Variants in PXDN observed in about 807,000 individuals in gnomAD.
The protein encoded by PXDN is peroxidasin homolog.
PXDN carries 77 observed loss-of-function variants against 140.3 expected under a neutral mutation model. The observed-to-expected ratio is 0.55, with a 90% CI of 0.46 to 0.66. The LOEUF (loss-of-function observed/expected upper bound fraction) is 0.66, where lower values mean the gene tolerates loss of function less well. PXDN is among the 30% of genes least tolerant of loss of function. PXDN has a pLI of 0.00. For missense variants in PXDN, 1,838 were observed against 2,039.5 expected (o/e 0.90, Z 1.90); for synonymous variants, 911 against 857.4 (o/e 1.06, Z -1.09).
intron 16 of PXDN, 115 bp downstream of exon 16, chr2:1,653,512 TA>T: frequency 7.2e-7 from 1 of 1,386,640 alleles, no homozygotes; most frequent in Non-Finnish European, 1.0e-6. Flanking sequence ...TCACAGTTCA[TA>T]AGCACAGTGG....
intron 9 of PXDN, among the ~76,000 whole-genome samples, chr2:1,669,165 C>T (rs556967855): frequency 6.6e-6 from 1 of 152,286 alleles, no homozygotes; most frequent in South Asian, 2.1e-4. Context: ...ATGGAAAAAG[C>T]TGGAAACCAT....
rs58919379 is a variant in PXDN, at chr2:1,685,737, A to AAGGTG, written c.417-1587_417-1586insCACCT. ...GTGGGTGGGACTTGGCACCTGCTGC[A>AAGGTG]CAGGTGCTACGGGAAATGACGGCCC... On this transcript the variant is annotated intron_variant, in intron 4 of 22. Coordinates refer to ENST00000252804, the MANE Select transcript of PXDN (RefSeq NM_012293.3). This position sits in a 1 kb window ranked among gnomAD's most constrained non-coding sequence, Gnocchi z 5.1. Among the ~76,000 whole-genome samples the AAGGTG allele has an allele frequency of 0.29, 43,853 of 151,718 alleles. 7,266 individuals are homozygous for AAGGTG. Among genetic ancestry groups the AAGGTG allele is most frequent in the African/African-American group, 0.45 (18,762 of 41,340 alleles).
chr2:1,701,818 G>T (rs1399802973), intron 1 of PXDN, among the ~76,000 whole-genome samples: 2 of 152,124 alleles, frequency 1.3e-5, no homozygotes, highest in Admixed American at 6.5e-5. Flanking sequence ...CCCAGGGTGG[G>T]ATGACTGCCC....
intron 18 of PXDN, among the ~76,000 whole-genome samples, 180 bp downstream of exon 18, chr2:1,644,437 GC>G: frequency 6.6e-6 from 1 of 152,272 alleles, no homozygotes; most frequent in African/African-American, 2.4e-5. Flanking sequence ...GGACATGTAA[GC>G]CCAAGGCGGT....
chr2:1,743,543 G>A (rs1685597774), intron 1 of PXDN, among the ~76,000 whole-genome samples: 1 of 150,188 alleles, frequency 6.7e-6, no homozygotes, highest in African/African-American at 2.4e-5. Context: ...CGGGAACTGA[G>A]GCTCCTCTGG....
At chr2:1,644,339 C>T (rs940346639) in intron 18 of PXDN, among the ~76,000 whole-genome samples, 17 of 152,120 alleles carry the variant, frequency 1.1e-4, no homozygotes, top group Admixed American at 1.3e-4. Flanking sequence ...GACTGTCCAA[C>T]AGGTTTACAG....
At chr2:1,642,607 A>G (rs181220872) in intron 19 of PXDN, among the ~76,000 whole-genome samples, 17 of 152,322 alleles carry the variant, frequency 1.1e-4, no homozygotes, top group Non-Finnish European at 1.9e-4. Context: ...GGTTCTAAAC[A>G]TCCCCAGTTT....
At chr2:1,683,971 A>G in intron 5 of PXDN, 109 bp downstream of exon 5, 2 of 1,140,496 alleles carry the variant, frequency 1.8e-6, no homozygotes, top group Non-Finnish European at 2.5e-6. Context: ...TGGATTTTAT[A>G]TTGAAACAGT....
In PXDN at chr2:1,744,499, G is replaced by A. The variant is rs1233390682; in HGVS notation, c.-44C>T. On this transcript the variant is annotated 5_prime_UTR_variant, in exon 1 of 23. Coordinates refer to ENST00000252804, the MANE Select transcript of PXDN (RefSeq NM_012293.3). ...ACGCTCGGACGCACGGAGCCACCAC[G>A]GCCGGCTCCCGACTGCGCCCGCCCG... 17 of 1,357,810 alleles carry A rather than the reference G, an allele frequency of 1.3e-5. No individual in the cohort carries two copies. Among genetic ancestry groups the A allele is most frequent in the Middle Eastern group, 2.7e-4 (1 of 3,698 alleles). 84.1% of individuals were successfully genotyped at this position (1,357,810 alleles called of 1,614,324 possible). A position where few individuals can be genotyped will look rare whatever the true frequency, so the allele number is the denominator to read the frequency against.
intron 1 of PXDN, among the ~76,000 whole-genome samples, chr2:1,706,003 C>T (rs960707565): frequency 1.3e-5 from 2 of 151,946 alleles, no homozygotes; most frequent in African/African-American, 4.8e-5. Flanking sequence ...GCTTGGACAC[C>T]GTCAAGGCTA....
rs114093241 is a variant in PXDN, at chr2:1,738,525, T to C, written c.200+5731A>G. On this transcript the variant is annotated intron_variant, in intron 1 of 22. Transcript: ENST00000252804. ...TTATCTCATAATAAGCCAATGGGAA[T>C]CAGCATAATGCAAGTTGATCTTCAA... Among the ~76,000 whole-genome samples the C allele has an allele frequency of 3.9e-3, 584 of 151,544 alleles. 7 individuals carry two copies. The highest frequency in any genetic ancestry group is 0.013 in the African/African-American group (550 of 41,334).
intron 1 of PXDN, among the ~76,000 whole-genome samples, chr2:1,743,256 C>G (rs1302298796): frequency 6.6e-6 from 1 of 152,212 alleles, no homozygotes; most frequent in Non-Finnish European, 1.5e-5. Context: ...CCCAACGCAA[C>G]GCATCCGGTT....
At chr2:1,737,679 C>T (rs986680486) in intron 1 of PXDN, among the ~76,000 whole-genome samples, 1 of 151,944 alleles carries the variant, frequency 6.6e-6, no homozygotes, top group African/African-American at 2.4e-5. Flanking sequence ...GCTGGAACTA[C>T]AGGCGTGAGC....
At chr2:1,641,439 C>T (rs865997920) in intron 19 of PXDN, among the ~76,000 whole-genome samples, 4 of 152,186 alleles carry the variant, frequency 2.6e-5, no homozygotes, top group Non-Finnish European at 5.9e-5. Context: ...CATGTGCCAC[C>T]GCCCAGCCCC....
At chr2:1,695,391 A>C (rs1684278391) in intron 1 of PXDN, among the ~76,000 whole-genome samples, 1 of 134,236 alleles carries the variant, frequency 7.4e-6, no homozygotes, top group Non-Finnish European at 1.6e-5. Context: ...GCCTAGAGTG[A>C]TGGACAGAGA....
intron 4 of PXDN, among the ~76,000 whole-genome samples, chr2:1,684,751 T>A (rs184586978): frequency 8.5e-5 from 13 of 152,348 alleles, no homozygotes; most frequent in African/African-American, 2.9e-4. Flanking sequence ...AGTGTTTCTA[T>A]TTCTTTCCAT....
At chr2:1,697,175 T>G (rs1405754239) in intron 1 of PXDN, among the ~76,000 whole-genome samples, 2 of 152,184 alleles carry the variant, frequency 1.3e-5, no homozygotes, top group Non-Finnish European at 2.9e-5. Flanking sequence ...CAAGGTAAAG[T>G]TTGGAAGTCA....
At chr2:1,689,639 C>A (rs892832278) in intron 3 of PXDN, among the ~76,000 whole-genome samples, 17 of 152,054 alleles carry the variant, frequency 1.1e-4, no homozygotes, top group Admixed American at 1.0e-3. Context: ...AAAAAATTAG[C>A]CAGGCATCGT....
At chr2:1,679,931 G>A (rs1333695757) in intron 7 of PXDN, among the ~76,000 whole-genome samples, 2 of 150,014 alleles carry the variant, frequency 1.3e-5, no homozygotes, top group African/African-American at 2.5e-5. Flanking sequence ...GATGGTGTGT[G>A]TGTGTATGTG....
Sources: allele counts gnomAD v4.1 joint callset (sites outside exome capture counted in the v4.1 genomes callset), GRCh38; gene constraint gnomAD v4.1.1; non-coding constraint Gnocchi (gnomAD v3.1); transcripts MANE v1.5; gene names NCBI Gene and HGNC (gene_info 2026-07-23, HGNC 2026-07-21).